Variants in HPR observed in about 807,000 individuals in gnomAD.
The protein encoded by HPR is haptoglobin-related protein.
In HPR, 17 loss-of-function variants were observed where a neutral mutation model predicts 18.5. The observed-to-expected ratio is 0.92, with a 90% CI of 0.63 to 1.38. The LOEUF is 1.38. Among genes scored for constraint, HPR ranks in the 40% most tolerant of loss-of-function variants. The pLI is 0.00. For missense variants in HPR, 457 were observed against 432.4 expected, an observed-to-expected ratio of 1.06 and a Z score of -0.51; for synonymous variants, 176 against 165.0, an observed-to-expected ratio of 1.07 and a Z score of -0.51.
At chr16:72,072,005 C>A (rs932049532) in intron 1 of HPR, among the ~76,000 whole-genome samples, 12 of 151,712 alleles carry the variant, frequency 7.9e-5, no homozygotes, top group African/African-American at 2.9e-4. Context: ...TTTATTACAA[C>A]CAATGATGAT....
At position 72,076,407 on chromosome 16, in the gene HPR, C is replaced by T. The variant is rs1175959090; in HGVS notation, c.373C>T (p.His125Tyr). 4 of 1,614,058 alleles carry T rather than the reference C, an allele frequency of 2.5e-6. No homozygotes were observed. The highest frequency in any genetic ancestry group is 3.4e-6 in the Non-Finnish European group (4 of 1,180,038). Reference sequence around the variant, plus strand: ...CTGGCAGGCTAAGATGGTTTCCCACCATAATCTCACCACAGGGGCCACGCT... The same window carrying T: ...CTGGCAGGCTAAGATGGTTTCCCACTATAATCTCACCACAGGGGCCACGCT... ...FPWQAKMVSHHNLTTGATLIN... is the reference protein window; with the variant it reads ...FPWQAKMVSHYNLTTGATLIN... The change falls in exon 5 of 5, where the codon CAT becomes TAT. Residue 125 changes from histidine to tyrosine, a missense_variant. Transcript: ENST00000540303.
chr16:72,063,468 C>T (rs1330528001), intron 1 of HPR, among the ~76,000 whole-genome samples: 1 of 152,096 alleles, frequency 6.6e-6, no homozygotes, highest in Non-Finnish European at 1.5e-5. Context: ...ATAAGATTTA[C>T]TCTCAGGAGT....
intron 2 of HPR, 75 bp from the exon 3 acceptor site, chr16:72,074,209 C>G: frequency 1.5e-6 from 2 of 1,371,758 alleles, no homozygotes; most frequent in Non-Finnish European, 2.1e-6. Context: ...GAGCAGCTTC[C>G]ACTCATCTGA....
At position 72,075,829 on chromosome 16, in the gene HPR, CTTTCT is replaced by C. The variant is rs1346122623; in HGVS notation, c.269-470_269-466del. Among the ~76,000 whole-genome samples, 18 of 149,572 alleles carry C rather than the reference CTTTCT, an allele frequency of 1.2e-4. 1 individual carries two copies. The highest frequency in any genetic ancestry group is 2.0e-4 in the Admixed American group (3 of 15,044). ...GCTCCTAGCCCTTTCTTTTTTCTTT[CTTTCT>C]TTTTTTTTTTTTTTGAGACAGAGTT... On this transcript the variant is annotated intron_variant, in intron 4 of 4. Coordinates refer to ENST00000540303, the MANE Select transcript of HPR (RefSeq NM_020995.4).
At position 72,076,889 on chromosome 16, in the gene HPR, G is replaced by T; in HGVS notation, c.855G>T (p.Met285Ile). 6.2e-7 allele frequency: 1 copy of T among 1,614,244 alleles called. No homozygotes were observed. Among genetic ancestry groups the T allele is most frequent in the South Asian group, 1.1e-5 (1 of 91,082 alleles). The change falls in exon 5 of 5, where the codon ATG becomes ATT. Residue 285 changes from methionine (M) to isoleucine (I), a missense_variant. Coordinates refer to ENST00000540303, the MANE Select transcript of HPR (RefSeq NM_020995.4). ...ILNEHTFCVG[M>I]SKYQEDTCYG... Reference sequence around the variant, plus strand: ...ACGAACACACCTTCTGTGTCGGCATGTCTAAGTACCAGGAAGACACCTGCT... The same window carrying T: ...ACGAACACACCTTCTGTGTCGGCATTTCTAAGTACCAGGAAGACACCTGCT...
Position 72,074,324 on chromosome 16 carries a change from T to C in HPR, c.132T>C (p.Tyr44=), listed in dbSNP as rs375288404. 5.0e-6 allele frequency: 8 copies of C among 1,614,128 alleles called. No individual in the cohort carries two copies. Among genetic ancestry groups the C allele is most frequent in the South Asian group, 1.1e-5 (1 of 91,080 alleles). Residue 44 remains tyrosine, a synonymous_variant, in exon 3 of 5, where the codon TAT becomes TAC. Coordinates refer to ENST00000540303, the MANE Select transcript of HPR (RefSeq NM_020995.4). ...FPKPPEIANG[Y]VEHLFRYQCK... is the part of the protein sequence containing the mutation. ...AGCCCCCTGAGATTGCAAATGGCTA[T>C]GTGGAGCACTTGTTTCGCTACCAGT...
At chr16:72,070,640 C>G (rs2041644911) in intron 1 of HPR, among the ~76,000 whole-genome samples, 1 of 152,174 alleles carries the variant, frequency 6.6e-6, no homozygotes, top group Non-Finnish European at 1.5e-5. Context: ...TCTTTTCTTT[C>G]CAACAGAAGG....
chr16:72,076,191 T>G, intron 4 of HPR, 112 bp from the exon 5 acceptor site: 1 of 1,551,032 alleles, frequency 6.4e-7, no homozygotes, highest in Non-Finnish European at 8.8e-7. Flanking sequence ...GACAAAGCAT[T>G]TAAATCTTTC....
At chr16:72,069,696 T>C (rs765131481) in intron 1 of HPR, among the ~76,000 whole-genome samples, 4 of 152,192 alleles carry the variant, frequency 2.6e-5, no homozygotes, top group East Asian at 1.9e-4. Flanking sequence ...AAGTTACAGA[T>C]AGTTGCTTAA....
At position 72,073,929 on chromosome 16, in the gene HPR, C is replaced by A. The variant is rs376396822; in HGVS notation, c.43C>A (p.Arg15=). The change falls in exon 2 of 5, where the codon CGA becomes AGA. Residue 15 remains arginine, a synonymous_variant. Transcript: ENST00000540303. ...GAVISLLLWG[R]QLFALYSGND... ...TGTCATTTCCCTCCTGCTCTGGGGA[C>A]GACAGCTTTTTGCACTGTACTCAGG... 15 of 1,613,842 alleles carry A rather than the reference C, an allele frequency of 9.3e-6. No homozygotes were observed. In the South Asian group the frequency reaches 1.5e-4, roughly 17 times the overall value.
chr16:72,066,178 T>C (rs1403842253), intron 1 of HPR, among the ~76,000 whole-genome samples: 1 of 152,162 alleles, frequency 6.6e-6, no homozygotes, highest in East Asian at 1.9e-4. Context: ...GGGGAAGTCA[T>C]TGGTTTTGTA....
intron 3 of HPR, 24 bp from the exon 4 acceptor site, chr16:72,075,121 C>A: frequency 2.3e-6 from 2 of 871,688 alleles, no homozygotes; most frequent in East Asian, 2.6e-5. Context: ...TTTCCTTTGG[C>A]TCATTTCTTG....
At chr16:72,064,907 C>A (rs1168469546) in intron 1 of HPR, among the ~76,000 whole-genome samples, 1 of 152,178 alleles carries the variant, frequency 6.6e-6, no homozygotes. Flanking sequence ...CCCACCTGGT[C>A]TGATGAATAA....
intron 4 of HPR, 71 bp from the exon 5 acceptor site, chr16:72,076,232 C>G (rs2041721401): frequency 5.0e-6 from 8 of 1,593,660 alleles, no homozygotes; most frequent in Non-Finnish European, 6.9e-6. Flanking sequence ...GCCGCCAATG[C>G]TTTCACCCCT....
chr16:72,075,596 TG>T (rs1359706992), intron 4 of HPR, among the ~76,000 whole-genome samples: 1 of 152,208 alleles, frequency 6.6e-6, no homozygotes, highest in Non-Finnish European at 1.5e-5. Context: ...AGGCTGGACA[TG>T]GGCTGGAACT....
intron 1 of HPR, chr16:72,073,676 A>G: frequency 6.9e-7 from 1 of 1,439,888 alleles, no homozygotes; most frequent in Non-Finnish European, 9.2e-7. Context: ...AAGCAGCTAA[A>G]GCGTGTATGT....
chr16:72,072,444 C>T (rs935290090), intron 1 of HPR, among the ~76,000 whole-genome samples: 2 of 152,266 alleles, frequency 1.3e-5, no homozygotes, highest in South Asian at 2.1e-4. Context: ...GTGTCATTAT[C>T]GGAACCCGAT....
chr16:72,064,810 C>T (rs1205913743), intron 1 of HPR, among the ~76,000 whole-genome samples: 1 of 152,162 alleles, frequency 6.6e-6, no homozygotes, highest in African/African-American at 2.4e-5. Context: ...AAAACATTGT[C>T]CTCCGGGAAA....
intron 2 of HPR, 144 bp from the exon 3 acceptor site, chr16:72,074,140 A>G: frequency 8.0e-7 from 1 of 1,249,938 alleles, no homozygotes; most frequent in Non-Finnish European, 1.2e-6. Context: ...CCTGCCAGAA[A>G]TGAGGGGAGC....
Sources: gnomAD v4.1 joint callset for allele counts (sites outside exome capture counted in the v4.1 genomes callset) on GRCh38, gnomAD v4.1.1 for gene constraint, MANE v1.5 for transcripts, NCBI Gene and HGNC (gene_info 2026-07-23, HGNC 2026-07-21) for gene names.